The following LY6D variants were observed in gnomAD, a reference collection of about 807,000 sequenced individuals.
LY6D encodes lymphocyte antigen 6 family member D.
LY6D carries 7 observed loss-of-function variants against 5.6 expected under a neutral mutation model. That is an observed-to-expected ratio of 1.24 (90% confidence interval 0.71 to 2.34). LY6D has a LOEUF of 2.34. LY6D is among the 30% of genes most tolerant of loss of function. The pLI, the probability that LY6D is intolerant of heterozygous loss-of-function variation, is 0.00. For synonymous variants in LY6D, 81 were observed against 75.0 expected, an observed-to-expected ratio of 1.08 and a Z score of -0.41; for missense variants, 148 against 164.8, an observed-to-expected ratio of 0.90 and a Z score of 0.56.
At chr8:142,786,260 G>A in intron 1 of LY6D, 1 of 1,384,906 alleles carries the variant, frequency 7.2e-7, no homozygotes, top group South Asian at 1.7e-5. Context: ...CCAGGAGTCA[G>A]TTCTAAGATC....
chr8:142,785,557 G>T, intron 2 of LY6D, 32 bp downstream of exon 2: 1 of 1,609,886 alleles, frequency 6.2e-7, no homozygotes, highest in East Asian at 2.2e-5. Flanking sequence ...ATGTCCCCCA[G>T]CCCCAGGGAC....
intron 2 of LY6D, 51 bp downstream of exon 2, chr8:142,785,538 C>T (rs369288226): frequency 6.2e-7 from 1 of 1,604,274 alleles, no homozygotes; most frequent in Non-Finnish European, 8.5e-7. Flanking sequence ...ACACCCACAA[C>T]AGCCAGGGAT....
At chr8:142,785,710 C>T in intron 1 of LY6D, 23 bp from the exon 2 acceptor site, 6 of 1,612,292 alleles carry the variant, frequency 3.7e-6, no homozygotes, top group Middle Eastern at 1.7e-4. Flanking sequence ...GAGTCCGGCT[C>T]AGCGGGCCCA....
chr8:142,785,333 CA>C lies in LY6D; in HGVS notation c.274del (p.Cys92AlafsTer26). 1.9e-6 allele frequency: 3 copies of C among 1,613,786 alleles called. No individual in the cohort carries two copies. Among genetic ancestry groups the C allele is most frequent in the Non-Finnish European group, 2.5e-6 (3 of 1,179,966 alleles). ...SSTQCCQEDL[C>X]NEKLHNAAPT... ...TGCAGCGTTGTGCAGCTTCTCATTG[CA>C]CAGGTCCTCCTGGCAGCACTGGGTG... On this transcript the variant is annotated frameshift_variant, in exon 3 of 3. Transcript: ENST00000301263. LOFTEE classifies it low-confidence loss of function (END_TRUNC).
intron 1 of LY6D, 110 bp downstream of exon 1, chr8:142,786,355 A>G: frequency 7.0e-7 from 1 of 1,431,370 alleles, no homozygotes. Context: ...TAGCACCCAC[A>G]GTGTCGGGGT....
At position 142,784,995 on chromosome 8, in the gene LY6D, T is replaced by G. The variant is rs550984094; in HGVS notation, c.*226A>C. The stretch of plus-strand genomic sequence containing the variant: ...CAGGGCTTCTGTCCTCCACCTTCCA[T>G]GCAGCTGGGGGCTGCATCCTCTGTG... On this transcript the variant is annotated 3_prime_UTR_variant, in exon 3 of 3. Coordinates refer to ENST00000301263, the MANE Select transcript of LY6D (RefSeq NM_003695.3). 9.2e-6 allele frequency: 5 copies of G among 541,714 alleles called. No homozygotes were observed. Among genetic ancestry groups the G allele is most frequent in the Admixed American group, 6.2e-5 (2 of 32,342 alleles). 33.6% of individuals were successfully genotyped at this position (541,714 alleles called of 1,614,324 possible).
In LY6D at chr8:142,786,387, A is replaced by G. The variant is rs1815655458; in HGVS notation, c.52+78T>C. On this transcript the variant is annotated intron_variant, in intron 1 of 2. Transcript: ENST00000301263. ...GGGTTCTCTGTGCCTAGATGTCGTC[A>G]GCTCCAGGCTCCTAGTATTTGGTGA... 7.5e-6 allele frequency: 11 copies of G among 1,471,502 alleles called. 1 individual carries two copies. The South Asian group carries it at 1.5e-4, about 20-fold the overall frequency. The allele number at this position is 1,471,502 out of a possible 1,614,324, so 91.2% of individuals were successfully genotyped here. A position where few individuals can be genotyped will look rare whatever the true frequency, so the allele number is the denominator to read the frequency against.
chr8:142,785,816 A>T, intron 1 of LY6D, 129 bp from the exon 2 acceptor site: 1 of 1,465,048 alleles, frequency 6.8e-7, no homozygotes, highest in South Asian at 1.4e-5. Context: ...AGGCCCCCAA[A>T]CCCGGGCTCT....
Position 142,786,116 on chromosome 8 carries a change from T to A in LY6D, c.52+349A>T, listed in dbSNP as rs1345264486. On this transcript the variant is annotated intron_variant, in intron 1 of 2. Coordinates refer to ENST00000301263, the MANE Select transcript of LY6D (RefSeq NM_003695.3). Reference sequence around the variant, plus strand: ...CTATGACAGGAAGGGCTTGGTGGCCTTTGGGCTGTCCTGGGCTGTGCTGGG... The same window carrying A: ...CTATGACAGGAAGGGCTTGGTGGCCATTGGGCTGTCCTGGGCTGTGCTGGG... 4 of 1,210,174 alleles carry A rather than the reference T, an allele frequency of 3.3e-6. No individual in the cohort carries two copies. The East Asian group carries it at 1.6e-4, about 49-fold the overall frequency. 75.0% of individuals were successfully genotyped at this position (1,210,174 alleles called of 1,614,324 possible).
intron 1 of LY6D, 31 bp downstream of exon 1, chr8:142,786,434 A>AGGCCCCCC: frequency 8.2e-7 from 1 of 1,213,272 alleles, no homozygotes; most frequent in Non-Finnish European, 1.1e-6. Context: ...ACAGCCGCCC[A>AGGCCCCCC]CCCGCCCGTC....
intron 2 of LY6D, 59 bp downstream of exon 2, chr8:142,785,530 A>G: frequency 6.2e-7 from 1 of 1,602,850 alleles, no homozygotes; most frequent in Non-Finnish European, 8.5e-7. Context: ...TCCAGCCAAC[A>G]CCCACAACAG....
Position 142,785,612 on chromosome 8 carries a change from C to G in LY6D, c.128G>C (p.Arg43Pro). 3 of 1,613,650 alleles carry G rather than the reference C, an allele frequency of 1.9e-6. No homozygotes were observed. The highest frequency in any genetic ancestry group is 2.5e-6 in the Non-Finnish European group (3 of 1,179,974). ...ACCTGTGTTCGTGGTCTTGCAGAAG[C>G]GAGAGCTGGCCGGGCAGACCACAGA... The part of the protein sequence containing the change: ...KHSVVCPASS[R>P]FCKTTNTVEP... Residue 43 changes from arginine (R) to proline (P), a missense_variant, in exon 2 of 3, where the codon CGC becomes CCC. Transcript: ENST00000301263.
intron 1 of LY6D, chr8:142,786,048 C>T (rs531453448): frequency 4.8e-5 from 57 of 1,198,228 alleles, no homozygotes; most frequent in East Asian, 8.7e-5. Flanking sequence ...GAGGGCCTGA[C>T]GGAGCTAAGG....
chr8:142,786,131 G>C, intron 1 of LY6D: 2 of 1,239,978 alleles, frequency 1.6e-6, no homozygotes, highest in Non-Finnish European at 2.0e-6. Context: ...GCTGTCCTGG[G>C]CTGTGCTGGG....
rs1815636774 is a variant in LY6D, at chr8:142,785,385, C to T, written c.223G>A (p.Gly75Ser). ...GAGCTGGTGCCGCTGCTGACCTGGC[C>T]TTGCAGGGTGTAGCTGGGTGTGCAC... ...ESCTPSYTLQGQVSSGTSSTQ... is the reference protein window; with the variant it reads ...ESCTPSYTLQSQVSSGTSSTQ... The change falls in exon 3 of 3, where the codon GGC becomes AGC. Residue 75 changes from glycine to serine, a missense_variant. Transcript: ENST00000301263. 6.2e-6 allele frequency: 10 copies of T among 1,613,642 alleles called. No homozygotes were observed. The East Asian group carries it at 2.2e-4, about 36-fold the overall frequency.
In LY6D at chr8:142,785,077, A is replaced by T; in HGVS notation, c.*144T>A. On this transcript the variant is annotated 3_prime_UTR_variant, in exon 3 of 3. Transcript: ENST00000301263. ...GCCTGCTCCAAGTCATCAGCATTCC[A>T]TGCCCACCTGGACCTGGTCCCAGAC... 1.5e-6 allele frequency: 1 copy of T among 657,306 alleles called. No individual in the cohort carries two copies. Among genetic ancestry groups the T allele is most frequent in the Non-Finnish European group, 2.6e-6 (1 of 389,458 alleles). The allele number at this position is 657,306 out of a possible 1,614,324, so 40.7% of individuals were successfully genotyped here.
intron 1 of LY6D, chr8:142,785,920 T>C (rs986759767): frequency 3.6e-6 from 5 of 1,395,618 alleles, no homozygotes; most frequent in Non-Finnish European, 4.7e-6. Flanking sequence ...CCTGCCCCTG[T>C]CTAGGGTGTG....
intron 1 of LY6D, 40 bp downstream of exon 1, chr8:142,786,425 C>G (rs2717607): frequency 0.5 from 760,317 of 1,509,000 alleles, 196,741 homozygotes; most frequent in African/African-American, 0.79. Flanking sequence ...ACACAGGCCA[C>G]AGCCGCCCAC....
chr8:142,785,221 T>C lies in LY6D; in HGVS notation c.387A>G (p.Ter129TrpextTer64), dbSNP rs1489920135. 6.3e-7 allele frequency: 1 copy of C among 1,598,662 alleles called. No individual in the cohort carries two copies. Among genetic ancestry groups the C allele is most frequent in the South Asian group, 1.1e-5 (1 of 90,594 alleles). The change falls in exon 3 of 3, where the codon TGA becomes TGG. Residue 129 changes from the stop codon to tryptophan, a stop_lost. Transcript: ENST00000301263. ...TGAGGGGCCTTCCCTGGGGGGAAGG[T>C]CACAGGCTGGGGGCTAAGATGACGG... ...LLAVILAPSL* is the reference protein window; with the variant it reads ...LLAVILAPSLW
Sources: allele counts gnomAD v4.1 joint callset, GRCh38; gene constraint gnomAD v4.1.1; transcripts MANE v1.5; gene names NCBI Gene and HGNC (gene_info 2026-07-23, HGNC 2026-07-21).